The following ZNF516 variants were observed in gnomAD, a reference collection of about 807,000 sequenced individuals.
ZNF516 encodes the protein zinc finger protein 516.
A neutral mutation model predicts 79.7 loss-of-function variants in ZNF516; 19 were observed. The ratio of observed to expected loss-of-function variants is 0.24; its 90% confidence interval spans 0.17 to 0.35. The LOEUF is 0.35. Among genes scored for constraint, ZNF516 ranks in the 10% least tolerant of loss-of-function variants. The probability of loss-of-function intolerance (pLI) is 1.00; values close to 1 mark genes in which losing one functional copy is unlikely to be tolerated. For missense variants in ZNF516, 1,678 were observed against 1,679.5 expected, an observed-to-expected ratio of 1.00 and a Z score of 0.02; for synonymous variants, 877 against 739.5, an observed-to-expected ratio of 1.19 and a Z score of -3.02.
chr18:76,455,772 A>G (rs1912685552), intron 2 of ZNF516, among the ~76,000 whole-genome samples: 1 of 152,212 alleles, frequency 6.6e-6, no homozygotes, highest in African/African-American at 2.4e-5. Context: ...GCACTTACAC[A>G]CGTGACACGC....
chr18:76,370,608 G>A lies in ZNF516; in HGVS notation c.3365-13C>T. 2 of 1,592,136 alleles carry A rather than the reference G, an allele frequency of 1.3e-6. No individual in the cohort carries two copies. Among genetic ancestry groups the A allele is most frequent in the East Asian group, 2.3e-5 (1 of 44,094 alleles). On this transcript the variant is annotated splice_polypyrimidine_tract_variant and intron_variant, in intron 5 of 6. Transcript: ENST00000443185. ...GACTCAAACACCACTGTGGGAACAA[G>A]GGGTTTGTTAACAGATCAGCGTGTG...
At chr18:76,478,942 G>A (rs1914333925) in intron 1 of ZNF516, among the ~76,000 whole-genome samples, 1 of 152,064 alleles carries the variant, frequency 6.6e-6, no homozygotes, top group Non-Finnish European at 1.5e-5. Flanking sequence ...TGTAATCCCA[G>A]CTACTCGGGA....
At chr18:76,385,579 G>A (rs1005772967) in intron 3 of ZNF516, 15 of 152,306 alleles carry the variant, frequency 9.8e-5, no homozygotes, top group Middle Eastern at 3.4e-3. Context: ...TCATGTTTTC[G>A]GTTTTCCATG....
intron 6 of ZNF516, among the ~76,000 whole-genome samples, chr18:76,366,439 C>T (rs150217107): frequency 9.8e-5 from 15 of 152,320 alleles, no homozygotes; most frequent in Non-Finnish European, 1.8e-4. Flanking sequence ...CTCAAACTCA[C>T]GGTTTTCCTG....
chr18:76,491,616 TCCCGC>T lies in ZNF516; in HGVS notation c.-272+3523_-272+3527del, dbSNP rs1400504543. The T allele has an allele frequency of 4.4e-4, 206 of 464,490 alleles. 1 individual carries two copies. Among genetic ancestry groups the T allele is most frequent in the Non-Finnish European group, 4.6e-4 (167 of 365,270 alleles). The allele number at this position is 464,490 out of a possible 1,614,324, so 28.8% of individuals were successfully genotyped here. A position where few individuals can be genotyped will look rare whatever the true frequency, so the allele number is the denominator to read the frequency against. ...GCCCTCCCCGTGCTTCTCCGCCCCTTCCCGCCCCGCCCACGGCCCTCCTCCTGGCA... is the reference window on the plus strand; with the variant it reads ...GCCCTCCCCGTGCTTCTCCGCCCCTTCCCGCCCACGGCCCTCCTCCTGGCA... On this transcript the variant is annotated intron_variant, in intron 1 of 6. Transcript: ENST00000443185.
At chr18:76,384,652 C>T (rs781614774) in intron 3 of ZNF516, among the ~76,000 whole-genome samples, 31 of 149,494 alleles carry the variant, frequency 2.1e-4, no homozygotes, top group South Asian at 2.0e-3. Context: ...TTTGATGTTT[C>T]GGTGGCCCTG....
At chr18:76,481,224 A>G (rs1767201254) in intron 1 of ZNF516, among the ~76,000 whole-genome samples, 1 of 152,188 alleles carries the variant, frequency 6.6e-6, no homozygotes, top group Admixed American at 6.5e-5. Flanking sequence ...TTTTGGCATC[A>G]AATTCTCTTC....
At position 76,473,028 on chromosome 18, in the gene ZNF516, G is replaced by T. The variant is rs72983924; in HGVS notation, c.-271-9887C>A. Among the ~76,000 whole-genome samples the T allele has an allele frequency of 8.8e-3, 1,337 of 152,224 alleles. 7 individuals carry two copies. The highest frequency in any genetic ancestry group is 0.015 in the Non-Finnish European group (1,047 of 68,008). ...AGTGTTCTAACTTCTTTCCCAAAGG[G>T]GAAGTCAAATTGTATTACTACTGAT... is the stretch of plus-strand genomic sequence containing the variant. On this transcript the variant is annotated intron_variant, in intron 1 of 6. Coordinates refer to ENST00000443185, the MANE Select transcript of ZNF516 (RefSeq NM_014643.4).
Position 76,442,469 on chromosome 18 carries a change from C to T in ZNF516, c.586G>A (p.Ala196Thr). 6.2e-7 allele frequency: 1 copy of T among 1,604,618 alleles called. No homozygotes were observed. The highest frequency in any genetic ancestry group is 1.1e-5 in the South Asian group (1 of 91,082). The change falls in exon 3 of 7, where the codon GCG becomes ACG. Residue 196 changes from alanine (A) to threonine (T), a missense_variant. Transcript: ENST00000443185. ...KKDLELHVHQ[A>T]HKPFKCRLCS... The stretch of plus-strand genomic sequence containing the variant: ...AGCCTGCACTTGAACGGCTTGTGCG[C>T]CTGGTGCACGTGCAGCTCCAGGTCC...
At chr18:76,364,722 G>A (rs111801130) in intron 6 of ZNF516, among the ~76,000 whole-genome samples, 11 of 152,282 alleles carry the variant, frequency 7.2e-5, no homozygotes, top group African/African-American at 1.4e-4. Flanking sequence ...GGCACCTCTC[G>A]GCCTTCAGAG....
intron 3 of ZNF516, among the ~76,000 whole-genome samples, chr18:76,409,233 A>G (rs190532782): frequency 3.3e-5 from 5 of 152,234 alleles, no homozygotes; most frequent in Non-Finnish European, 4.4e-5. Flanking sequence ...TGTTTTGTAC[A>G]TTTATAGAAA....
chr18:76,400,695 A>C (rs1347114398), intron 3 of ZNF516, among the ~76,000 whole-genome samples: 1 of 152,242 alleles, frequency 6.6e-6, no homozygotes, highest in Non-Finnish European at 1.5e-5. Context: ...TTATGGTTAC[A>C]CATATATAAA....
At chr18:76,477,335 G>A (rs1914232306) in intron 1 of ZNF516, among the ~76,000 whole-genome samples, 1 of 152,110 alleles carries the variant, frequency 6.6e-6, no homozygotes, top group Admixed American at 6.5e-5. Flanking sequence ...CTGACCCTCC[G>A]TGAAAGTAAT....
rs1339427993 is a variant in ZNF516 at position 76,442,802 on chromosome 18, G to A, written c.253C>T (p.Arg85Cys). The A allele has an allele frequency of 1.9e-6, 3 of 1,609,888 alleles. No homozygotes were observed. Among genetic ancestry groups the A allele is most frequent in the South Asian group, 1.1e-5 (1 of 90,316 alleles). The change falls in exon 3 of 7, where the codon CGC (arginine) becomes TGC (cysteine). Residue 85 changes from arginine to cysteine, a missense_variant. By Grantham distance (180) the Arg-to-Cys change is radical. This residue lies in a region of ZNF516 where 26 missense variants were observed against 66.4 expected (regional missense o/e 0.39). Coordinates refer to ENST00000443185, the MANE Select transcript of ZNF516 (RefSeq NM_014643.4). ...TGTCCCTGAATCAGAGTCCCCGTGC[G>A]GTGGCTCCGGATGTGAATCTTCAGG... The part of the protein sequence containing the change: ...GNLKIHIRSH[R>C]TGTLIQGHEP...
chr18:76,466,198 A>C (rs375011187), intron 1 of ZNF516, among the ~76,000 whole-genome samples: 15 of 152,208 alleles, frequency 9.9e-5, no homozygotes, highest in East Asian at 3.9e-4. Context: ...TTACGACACT[A>C]ATTACTGGGT....
chr18:76,491,191 G>A (rs949033971), intron 1 of ZNF516: 3 of 836,372 alleles, frequency 3.6e-6, no homozygotes, highest in African/African-American at 3.7e-5. Context: ...CCCGGAGCCC[G>A]GTCCACGCCG....
In ZNF516 at chr18:76,442,705, G is replaced by C; in HGVS notation, c.350C>G (p.Pro117Arg). ...ASEGLDACAS[P>R]TKSASACNRL... ...GTTGCAGGCCGAGGCGCTCTTGGTG[G>C]GGCTGGCGCAGGCGTCCAGGCCCTC... The change falls in exon 3 of 7, where the codon CCC becomes CGC. Residue 117 changes from proline to arginine, a missense_variant. By Grantham distance (103) the Pro-to-Arg change is moderately radical (BLOSUM62 -2). Transcript: ENST00000443185. 6.3e-7 allele frequency: 1 copy of C among 1,582,396 alleles called. No individual in the cohort carries two copies.
chr18:76,448,808 G>A (rs977466158), intron 2 of ZNF516, among the ~76,000 whole-genome samples: 6 of 152,106 alleles, frequency 3.9e-5, no homozygotes, highest in African/African-American at 4.8e-5. Flanking sequence ...AAAAGCACCC[G>A]GCTTCAAGGA....
Position 76,490,071 on chromosome 18 carries a change from C to T in ZNF516, c.-272+5073G>A, listed in dbSNP as rs1166380495. The T allele has an allele frequency of 4.4e-6, 3 of 674,512 alleles. No individual in the cohort carries two copies. The African/African-American group carries it at 5.9e-5, about 13-fold the overall frequency. 41.8% of individuals were successfully genotyped at this position (674,512 alleles called of 1,614,324 possible). On this transcript the variant is annotated intron_variant, in intron 1 of 6. Transcript: ENST00000443185. ...AGCCCTACTAATGAATTAAGAAAAA[C>T]ATTAGACATGCTTGTGCCTTAACAC...
Sources: allele counts gnomAD v4.1 joint callset (sites outside exome capture counted in the v4.1 genomes callset), GRCh38; gene constraint gnomAD v4.1.1; regional missense constraint gnomAD v4.1.1; transcripts MANE v1.5; gene names NCBI Gene and HGNC (gene_info 2026-07-23, HGNC 2026-07-21).